The following PSD3 variants were observed in gnomAD, a reference collection of about 807,000 sequenced individuals.
The protein encoded by PSD3 is PH and SEC7 domain-containing protein 3.
PSD3 carries 49 observed loss-of-function variants against 105.5 expected under a neutral mutation model. The ratio of observed to expected loss-of-function variants is 0.46; its 90% CI spans 0.37 to 0.59. The LOEUF (loss-of-function observed/expected upper bound fraction) is 0.59. PSD3 is among the 20% of genes least tolerant of loss of function. The pLI, the probability that PSD3 is intolerant of heterozygous loss-of-function variation, is 0.00. For missense variants in PSD3, 1,561 were observed against 1,263.8 expected (o/e 1.24, Z -3.57); for synonymous variants, 557 against 457.8 (o/e 1.22, Z -2.77).
intron 9 of PSD3, among the ~76,000 whole-genome samples, chr8:18,736,860 T>C (rs921567175): frequency 6.6e-6 from 1 of 152,236 alleles, no homozygotes; most frequent in Admixed American, 6.5e-5. Flanking sequence ...CAGAAAAATC[T>C]TTTAAATCAA....
chr8:19,045,836 AAATCCTCACAAT>A (rs1481942689), intron 1 of PSD3, among the ~76,000 whole-genome samples: 1 of 152,164 alleles, frequency 6.6e-6, no homozygotes, highest in African/African-American at 2.4e-5. Flanking sequence ...CATTCTCATT[AAATCCTCACAAT>A]AACCTGTCAG....
At chr8:18,784,188 T>C (rs187662671) in intron 8 of PSD3, among the ~76,000 whole-genome samples, 167 of 152,356 alleles carry the variant, frequency 1.1e-3, no homozygotes, top group African/African-American at 3.8e-3. Flanking sequence ...TTGGTTTTTA[T>C]GTTGTTCAAG....
chr8:18,605,705 G>C (rs867317058), intron 11 of PSD3, among the ~76,000 whole-genome samples: 1 of 152,152 alleles, frequency 6.6e-6, no homozygotes, highest in South Asian at 2.1e-4. Context: ...CAGTGTTGGA[G>C]GTGGGGCCTG....
rs116530594 is a variant in PSD3 at position 18,856,353 on chromosome 8, A to G, written c.1634+11321T>C. On this transcript the variant is annotated intron_variant, in intron 4 of 15. Coordinates refer to ENST00000327040, the MANE Select transcript of PSD3 (RefSeq NM_015310.4). ...AGAGCAGCTGCTCATTAAGTTCTTC[A>G]TTCAACAAAAACTGAGTGCCCAGTA... Among the ~76,000 whole-genome samples the G allele has an allele frequency of 4.2e-3, 644 of 152,296 alleles. 4 individuals carry two copies. The highest frequency in any genetic ancestry group is 0.015 in the African/African-American group (622 of 41,554).
intron 4 of PSD3, among the ~76,000 whole-genome samples, chr8:18,819,903 G>C (rs1812550654): frequency 6.6e-6 from 1 of 152,234 alleles, no homozygotes; most frequent in Non-Finnish European, 1.5e-5. Context: ...GCATCAACCA[G>C]TGTGAACCCT....
chr8:19,004,407 G>A (rs1826554975), intron 1 of PSD3, among the ~76,000 whole-genome samples: 1 of 151,920 alleles, frequency 6.6e-6, no homozygotes, highest in South Asian at 2.1e-4. Context: ...AATACGTGAG[G>A]GCCTAGAACT....
chr8:18,731,911 A>C (rs1803781555), intron 9 of PSD3, among the ~76,000 whole-genome samples: 1 of 152,186 alleles, frequency 6.6e-6, no homozygotes, highest in African/African-American at 2.4e-5. Context: ...ATCAGTGAGT[A>C]GGATGCACAG....
chr8:18,802,414 G>A (rs2129447469), intron 6 of PSD3: 2 of 400,188 alleles, frequency 5.0e-6, no homozygotes, highest in South Asian at 1.8e-5. Flanking sequence ...TCTTACTATG[G>A]TAAAAAACAT....
rs192249233 is a variant in PSD3, at chr8:18,755,621, C to G, written c.2172+9828G>C. On this transcript the variant is annotated intron_variant, in intron 9 of 15. Transcript: ENST00000327040. ...ACTGGGAATCATTAATATTCCATTA[C>G]AGTACCCTTAATGATTACAACCACC... Among the ~76,000 whole-genome samples, 37 of 152,178 alleles carry G rather than the reference C, an allele frequency of 2.4e-4. 1 individual carries two copies. The East Asian group carries it at 5.4e-3, about 22-fold the overall frequency.
At chr8:18,634,194 C>T (rs954178015) in intron 10 of PSD3, among the ~76,000 whole-genome samples, 2 of 151,768 alleles carry the variant, frequency 1.3e-5, no homozygotes, top group African/African-American at 4.8e-5. Context: ...CAAATAACCA[C>T]AATATATTTT....
intron 15 of PSD3, among the ~76,000 whole-genome samples, chr8:18,536,850 T>G (rs1021869791): frequency 9.2e-5 from 14 of 152,160 alleles, no homozygotes; most frequent in African/African-American, 3.4e-4. Flanking sequence ...TTTGACACAT[T>G]CTGGTAAAGT....
At chr8:18,772,712 G>A (rs1033408505) in intron 8 of PSD3, among the ~76,000 whole-genome samples, 2 of 152,136 alleles carry the variant, frequency 1.3e-5, no homozygotes, top group African/African-American at 4.8e-5. Context: ...GTTTTACCAT[G>A]TTGCACAGGC....
At chr8:18,592,103 G>A (rs1282318620) in intron 12 of PSD3, among the ~76,000 whole-genome samples, 3 of 151,944 alleles carry the variant, frequency 2.0e-5, no homozygotes, top group African/African-American at 7.2e-5. Context: ...AAAGGTATAA[G>A]AATTACCTGC....
At chr8:18,584,225 T>A (rs1803004238) in intron 12 of PSD3, among the ~76,000 whole-genome samples, 2 of 152,068 alleles carry the variant, frequency 1.3e-5, no homozygotes, top group South Asian at 4.1e-4. Context: ...GCAAGTGCAA[T>A]CAGAGAAAGG....
chr8:18,867,091 A>G (rs144115674), intron 4 of PSD3, among the ~76,000 whole-genome samples: 1 of 152,276 alleles, frequency 6.6e-6, no homozygotes, highest in South Asian at 2.1e-4. Flanking sequence ...TAAAAATCCT[A>G]AAGTAGAGAG....
intron 4 of PSD3, among the ~76,000 whole-genome samples, chr8:18,822,881 C>T (rs1812858252): frequency 6.6e-6 from 1 of 152,134 alleles, no homozygotes; most frequent in African/African-American, 2.4e-5. Flanking sequence ...GTTTACAGCA[C>T]AAGAATATTT....
At chr8:18,828,046 T>C (rs898356654) in intron 4 of PSD3, among the ~76,000 whole-genome samples, 5 of 115,178 alleles carry the variant, frequency 4.3e-5, no homozygotes, top group South Asian at 5.8e-4. Context: ...AATATATATA[T>C]GTATATATAT....
chr8:18,720,405 G>T (rs1802886836), intron 9 of PSD3, among the ~76,000 whole-genome samples: 2 of 152,030 alleles, frequency 1.3e-5, no homozygotes, highest in Admixed American at 1.3e-4. Flanking sequence ...TAGGAAAAGG[G>T]TATAATTTTA....
In PSD3 at chr8:18,535,636, G is replaced by A. The variant is rs572256060; in HGVS notation, c.*107C>T. Reference sequence around the variant, plus strand: ...CAATAGAAAAAATTACTAATGCACCGTTTTGTCACAGACTTTTTTTTTTTA... The same window carrying A: ...CAATAGAAAAAATTACTAATGCACCATTTTGTCACAGACTTTTTTTTTTTA... On this transcript the variant is annotated 3_prime_UTR_variant, in exon 16 of 16. Coordinates refer to ENST00000327040, the MANE Select transcript of PSD3 (RefSeq NM_015310.4). The A allele has an allele frequency of 2.6e-5, 24 of 939,384 alleles. No homozygotes were observed. Among genetic ancestry groups the A allele is most frequent in the African/African-American group, 2.4e-4 (14 of 58,694 alleles). The allele number at this position is 939,384 out of a possible 1,614,324, so 58.2% of individuals were successfully genotyped here.
Sources: allele counts gnomAD v4.1 joint callset (sites outside exome capture counted in the v4.1 genomes callset), GRCh38; gene constraint gnomAD v4.1.1; transcripts MANE v1.5; gene names NCBI Gene and HGNC (gene_info 2026-07-23, HGNC 2026-07-21).